RGS17: variants seen among roughly 807,000 people sequenced by gnomAD.
The protein encoded by RGS17 is regulator of G protein signaling 17, also known as regulator of G-protein signaling 17.
A neutral mutation model predicts 25.5 loss-of-function variants in RGS17; 12 were observed. The ratio of observed to expected loss-of-function variants is 0.47; its 90% CI spans 0.30 to 0.76. The LOEUF is 0.76. RGS17 is among the 30% of genes least tolerant of loss of function. RGS17 has a pLI of 0.07. For synonymous variants in RGS17, 71 were observed against 76.9 expected (o/e 0.92, Z 0.40); for missense variants, 196 against 242.2 (o/e 0.81, Z 1.27).
intron 1 of RGS17, among the ~76,000 whole-genome samples, chr6:153,102,243 C>G (rs1417670955): frequency 6.6e-6 from 1 of 152,166 alleles, no homozygotes; most frequent in East Asian, 1.9e-4. Flanking sequence ...CACTTTGTCT[C>G]TAGTTTTTCT....
chr6:153,116,577 T>C (rs1406165618), intron 1 of RGS17, among the ~76,000 whole-genome samples: 1 of 152,224 alleles, frequency 6.6e-6, no homozygotes, highest in East Asian at 1.9e-4. Context: ...TTACTGGGTA[T>C]ATACCAAAAG....
At chr6:153,028,881 G>A (rs908983493) in intron 2 of RGS17, among the ~76,000 whole-genome samples, 2 of 152,094 alleles carry the variant, frequency 1.3e-5, no homozygotes, top group African/African-American at 4.8e-5. Context: ...ACATGACGCA[G>A]GTATACTTCA....
chr6:153,129,410 G>A (rs1455165571), intron 1 of RGS17, among the ~76,000 whole-genome samples: 1 of 152,206 alleles, frequency 6.6e-6, no homozygotes, highest in African/African-American at 2.4e-5. Flanking sequence ...CACTACAGAA[G>A]ACTTCGGAAA....
Position 153,026,455 on chromosome 6 carries a change from A to G in RGS17, c.208T>C (p.Cys70Arg). ...TAGCTATGTGGTTCTCACACTCACC[A>G]TTCCTCTAGGACCTGGATACTCTCC... ...KMESIQVLEE[C>R]QNPTAEEVLS... Residue 70 changes from cysteine to arginine, a missense_variant and splice_region_variant, in exon 3 of 5, where the codon TGC becomes CGC. Coordinates refer to ENST00000206262, the MANE Select transcript of RGS17 (RefSeq NM_012419.5). 6.2e-7 allele frequency: 1 copy of G among 1,609,452 alleles called. No individual in the cohort carries two copies. Among genetic ancestry groups the G allele is most frequent in the Non-Finnish European group, 8.5e-7 (1 of 1,176,388 alleles).
chr6:153,014,952 A>G (rs1779168509), intron 4 of RGS17, among the ~76,000 whole-genome samples: 1 of 152,354 alleles, frequency 6.6e-6, no homozygotes, highest in African/African-American at 2.4e-5. Flanking sequence ...AGGTCAAAAT[A>G]TCAACATTAA....
chr6:153,057,043 T>C (rs1203369355), intron 1 of RGS17, among the ~76,000 whole-genome samples: 4 of 152,200 alleles, frequency 2.6e-5, no homozygotes, highest in Admixed American at 6.5e-5. Flanking sequence ...TAAAGCACAG[T>C]GTCAAGTCTG....
At chr6:153,038,906 AT>A (rs887195234) in intron 2 of RGS17, among the ~76,000 whole-genome samples, 12 of 152,130 alleles carry the variant, frequency 7.9e-5, no homozygotes, top group Non-Finnish European at 1.6e-4. Flanking sequence ...AGCACTTAAC[AT>A]TTACTCAGTG....
At chr6:153,024,927 T>C (rs1011387696) in intron 3 of RGS17, among the ~76,000 whole-genome samples, 3 of 152,048 alleles carry the variant, frequency 2.0e-5, no homozygotes, top group Non-Finnish European at 2.9e-5. Flanking sequence ...AGTTTTTTTT[T>C]CTCATCTCTG....
At chr6:153,054,479 C>A (rs1273242454) in intron 1 of RGS17, among the ~76,000 whole-genome samples, 1 of 151,442 alleles carries the variant, frequency 6.6e-6, no homozygotes, top group African/African-American at 2.4e-5. Flanking sequence ...GGTGAAACCC[C>A]ATCTCTACTA....
intron 4 of RGS17, among the ~76,000 whole-genome samples, chr6:153,018,049 A>T (rs1458816067): frequency 1.3e-5 from 2 of 152,116 alleles, no homozygotes; most frequent in African/African-American, 4.8e-5. Context: ...GCACATTGCA[A>T]ATAAGACCAG....
chr6:153,114,538 T>A (rs999347017), intron 1 of RGS17, among the ~76,000 whole-genome samples: 4 of 152,162 alleles, frequency 2.6e-5, no homozygotes, highest in African/African-American at 7.2e-5. Context: ...CCGAAACTAT[T>A]CCAAACCACA....
intron 1 of RGS17, among the ~76,000 whole-genome samples, chr6:153,064,933 CA>C (rs1232934291): frequency 6.6e-6 from 1 of 152,038 alleles, no homozygotes; most frequent in African/African-American, 2.4e-5. Context: ...AACAAAATGG[CA>C]AGAGTAAATC....
At chr6:153,016,572 C>G (rs1249761401) in intron 4 of RGS17, among the ~76,000 whole-genome samples, 2 of 152,104 alleles carry the variant, frequency 1.3e-5, no homozygotes, top group South Asian at 4.1e-4. Flanking sequence ...CTTATGTCCT[C>G]ATTGTTTAAT....
chr6:153,102,316 T>G (rs1241928382), intron 1 of RGS17, among the ~76,000 whole-genome samples: 1 of 152,102 alleles, frequency 6.6e-6, no homozygotes, highest in Non-Finnish European at 1.5e-5. Flanking sequence ...AAGAATAACA[T>G]GTATGTATGT....
At chr6:153,019,031 G>A (rs1779212730) in intron 4 of RGS17, among the ~76,000 whole-genome samples, 1 of 152,114 alleles carries the variant, frequency 6.6e-6, no homozygotes, top group Non-Finnish European at 1.5e-5. Flanking sequence ...TCTCTCAGAT[G>A]GTAACTGGGA....
At chr6:153,100,549 AAAAAGG>A (rs946717589) in intron 1 of RGS17, among the ~76,000 whole-genome samples, 7 of 152,230 alleles carry the variant, frequency 4.6e-5, no homozygotes, top group African/African-American at 7.2e-5. Context: ...GAAAAAGAAA[AAAAAGG>A]AAAGGAAAGA....
chr6:153,114,409 TA>T (rs1184748806), intron 1 of RGS17, among the ~76,000 whole-genome samples: 1 of 152,092 alleles, frequency 6.6e-6, no homozygotes, highest in African/African-American at 2.4e-5. Context: ...AATAGACCAA[TA>T]GTAAGTTCTG....
intron 1 of RGS17, among the ~76,000 whole-genome samples, chr6:153,101,307 C>T (rs956753110): frequency 2.0e-5 from 3 of 152,164 alleles, no homozygotes; most frequent in African/African-American, 7.2e-5. Flanking sequence ...GGATGCAAAA[C>T]TGCATAGTAT....
intron 4 of RGS17, among the ~76,000 whole-genome samples, chr6:153,014,111 G>A (rs527237191): frequency 2.5e-4 from 38 of 152,182 alleles, no homozygotes; most frequent in Non-Finnish European, 8.8e-5. Context: ...TTCAAGGACA[G>A]GCTGACTCTG....
Sources: allele counts gnomAD v4.1 joint callset (sites outside exome capture counted in the v4.1 genomes callset), GRCh38; gene constraint gnomAD v4.1.1; transcripts MANE v1.5; gene names NCBI Gene and HGNC (gene_info 2026-07-23, HGNC 2026-07-21).